Variants in PIP5K1B observed in about 807,000 individuals in gnomAD.
PIP5K1B encodes the protein phosphatidylinositol-4-phosphate 5-kinase type 1 beta, also known as phosphatidylinositol 4-phosphate 5-kinase type-1 beta.
PIP5K1B carries 42 observed loss-of-function variants against 67.0 expected under a neutral mutation model. The ratio of observed to expected loss-of-function variants is 0.63; its 90% confidence interval spans 0.49 to 0.81. The LOEUF (loss-of-function observed/expected upper bound fraction) is 0.81. Among genes scored for constraint, PIP5K1B ranks in the 30% least tolerant of loss-of-function variants. The probability of loss-of-function intolerance (pLI) is 0.00; values close to 1 mark genes in which losing one functional copy is unlikely to be tolerated. For missense variants in PIP5K1B, 459 were observed against 646.3 expected (o/e 0.71, Z 3.14); for synonymous variants, 214 against 231.4 (o/e 0.92, Z 0.68).
intron 8 of PIP5K1B, among the ~76,000 whole-genome samples, chr9:68,903,889 T>TATACA (rs1213977403): frequency 2.0e-5 from 3 of 152,192 alleles, no homozygotes; most frequent in East Asian, 1.9e-4. Flanking sequence ...CAAATACGTA[T>TATACA]ATACAATACA....
At chr9:68,796,644 T>A (rs62552131) in intron 2 of PIP5K1B, among the ~76,000 whole-genome samples, 16,560 of 152,258 alleles carry the variant, frequency 0.11, 1,098 homozygotes, top group Non-Finnish European at 0.16. Flanking sequence ...TGTCTTCTCC[T>A]CAACCAGAGC....
rs185884962 is a variant in PIP5K1B at position 68,857,376 on chromosome 9, G to A, written c.70-6461G>A. 2.0e-5 allele frequency among the ~76,000 whole-genome samples: 3 copies of A among 152,306 alleles called. No individual in the cohort carries two copies. The East Asian group carries it at 5.8e-4, about 29-fold the overall frequency. ...GAGGAGGTTTGCCTACCCACAAACT[G>A]TATAATTTCCATAGTCCTACAACCA... On this transcript the variant is annotated intron_variant, in intron 4 of 15. Transcript: ENST00000265382.
intron 4 of PIP5K1B, among the ~76,000 whole-genome samples, chr9:68,854,127 CTTTTTT>C (rs36079285): frequency 2.8e-5 from 3 of 107,004 alleles, no homozygotes; most frequent in East Asian, 2.6e-4. Flanking sequence ...AAACAGAAAA[CTTTTTT>C]TTTTTTTTTT....
At position 68,840,764 on chromosome 9, in the gene PIP5K1B, A is replaced by G. The variant is rs10781227; in HGVS notation, c.69+18081A>G. ...AGGCCCACCTGGACAGTCTAGGACA[A>G]TCTCCCTAACTCAAGATCAGCTGTT... On this transcript the variant is annotated intron_variant, in intron 4 of 15. Transcript: ENST00000265382. 5.1e-4 allele frequency among the ~76,000 whole-genome samples: 78 copies of G among 152,136 alleles called. 1 individual carries two copies. Among genetic ancestry groups the G allele is most frequent in the African/African-American group, 1.8e-3 (76 of 41,500 alleles).
In PIP5K1B at chr9:68,919,520, T is replaced by A. The variant is rs1353632982; in HGVS notation, c.1025T>A (p.Leu342Gln). The change falls in exon 10 of 16, where the codon CTA becomes CAA. Residue 342 changes from leucine (L) to glutamine (Q), a missense_variant. Leu to Gln is a moderately radical substitution (Grantham distance 113, BLOSUM62 -2). Transcript: ENST00000265382. Reference sequence around the variant, plus strand: ...GCTAAAAGCCATAGGGGAGAAAAACTACTTTTATTTATGGGCATTATTGAC... The same window carrying A: ...GCTAAAAGCCATAGGGGAGAAAAACAACTTTTATTTATGGGCATTATTGAC... ...IPAKSHRGEK[L>Q]LLFMGIIDIL... 4 of 1,601,488 alleles carry A rather than the reference T, an allele frequency of 2.5e-6. No homozygotes were observed. The highest frequency in any genetic ancestry group is 3.4e-6 in the Non-Finnish European group (4 of 1,171,404).
intron 15 of PIP5K1B, among the ~76,000 whole-genome samples, chr9:68,995,521 G>A (rs534231583): frequency 4.7e-4 from 71 of 152,242 alleles, no homozygotes; most frequent in Non-Finnish European, 8.5e-4. Flanking sequence ...AAAAGCAAAT[G>A]GAGGCCGGGC....
intron 9 of PIP5K1B, 110 bp downstream of exon 9, chr9:68,917,869 T>C: frequency 1.3e-6 from 1 of 755,370 alleles, no homozygotes. Context: ...AATTAATTTC[T>C]ACTTGGTGCT....
At chr9:68,869,479 A>G (rs574676731) in intron 5 of PIP5K1B, among the ~76,000 whole-genome samples, 14 of 152,350 alleles carry the variant, frequency 9.2e-5, no homozygotes, top group East Asian at 3.9e-4. Flanking sequence ...ACTGTCTTAT[A>G]TCATGTGGGT....
rs36021674 is a variant in PIP5K1B at position 68,723,695 on chromosome 9, GTTTT to G, written c.-243+17952_-243+17955del. ...GCCCATTTTTTAATTGAAGTATTTG[GTTTT>G]TTTTTTTTTTTTTTTTTTGCTATTG... On this transcript the variant is annotated intron_variant, in intron 1 of 15. Transcript: ENST00000265382. Among the ~76,000 whole-genome samples the G allele has an allele frequency of 7.4e-4, 37 of 50,130 alleles. 1 individual carries two copies. Among genetic ancestry groups the G allele is most frequent in the African/African-American group, 2.4e-3 (28 of 11,778 alleles). The allele number at this position is 50,130 out of a possible 152,430, so 32.9% of individuals were successfully genotyped here.
intron 2 of PIP5K1B, among the ~76,000 whole-genome samples, chr9:68,755,172 G>A (rs568887682): frequency 1.3e-5 from 2 of 152,324 alleles, no homozygotes; most frequent in East Asian, 1.9e-4. Context: ...GATGTACAGT[G>A]TAACTGAATG....
chr9:68,881,826 C>G (rs946151552), intron 6 of PIP5K1B, among the ~76,000 whole-genome samples: 4 of 152,174 alleles, frequency 2.6e-5, no homozygotes, highest in Non-Finnish European at 4.4e-5. Flanking sequence ...CTTGGGCAAC[C>G]AGCTATGGGT....
At chr9:68,987,704 T>TGGGGAGGCCTCACAATCATGG (rs1180211390) in intron 14 of PIP5K1B, among the ~76,000 whole-genome samples, 3 of 152,130 alleles carry the variant, frequency 2.0e-5, no homozygotes, top group Non-Finnish European at 4.4e-5. Flanking sequence ...TCCATGTGGC[T>TGGGGAGGCCTCACAATCATGG]GGGGAGGCCT....
chr9:68,976,908 G>A (rs1407443551), intron 14 of PIP5K1B, among the ~76,000 whole-genome samples: 3 of 152,126 alleles, frequency 2.0e-5, no homozygotes, highest in Non-Finnish European at 4.4e-5. Context: ...CCTGGGGGTT[G>A]GGGACCCCTG....
At chr9:68,733,733 G>A (rs1182131972) in intron 1 of PIP5K1B, among the ~76,000 whole-genome samples, 4 of 146,228 alleles carry the variant, frequency 2.7e-5, no homozygotes, top group Admixed American at 7.0e-5. Flanking sequence ...TCCGCCTCCC[G>A]GGTTCAGGCA....
intron 2 of PIP5K1B, among the ~76,000 whole-genome samples, chr9:68,750,845 C>T (rs1042215408): frequency 6.6e-6 from 1 of 152,160 alleles, no homozygotes; most frequent in African/African-American, 2.4e-5. Flanking sequence ...GTTTTTAATC[C>T]TTTCATGGGG....
At chr9:68,983,427 G>C (rs1798094809) in intron 14 of PIP5K1B, among the ~76,000 whole-genome samples, 1 of 152,010 alleles carries the variant, frequency 6.6e-6, no homozygotes, top group South Asian at 2.1e-4. Flanking sequence ...GTTGGCTTCT[G>C]CTACTCACTT....
chr9:68,800,687 G>T (rs1832551354), intron 2 of PIP5K1B, among the ~76,000 whole-genome samples: 2 of 152,184 alleles, frequency 1.3e-5, no homozygotes, highest in Non-Finnish European at 1.5e-5. Flanking sequence ...CTGTTGAAAA[G>T]GGGCCTTTTT....
chr9:69,006,511 G>A (rs762000934), intron 15 of PIP5K1B, among the ~76,000 whole-genome samples: 2 of 152,196 alleles, frequency 1.3e-5, no homozygotes, highest in Non-Finnish European at 2.9e-5. Flanking sequence ...ACATCTTTCA[G>A]CAATACCGGG....
At chr9:68,814,397 T>C (rs1172039559) in intron 2 of PIP5K1B, among the ~76,000 whole-genome samples, 1 of 152,074 alleles carries the variant, frequency 6.6e-6, no homozygotes, top group Non-Finnish European at 1.5e-5. Flanking sequence ...AAACAAAACA[T>C]TGTTATAGGC....
Sources: allele counts gnomAD v4.1 joint callset (sites outside exome capture counted in the v4.1 genomes callset), GRCh38; gene constraint gnomAD v4.1.1; transcripts MANE v1.5; gene names NCBI Gene and HGNC (gene_info 2026-07-23, HGNC 2026-07-21).